Variants in ENTPD1 observed in about 807,000 individuals in gnomAD.
ENTPD1 encodes ATP diphosphohydrolase.
Under a neutral mutation model 57.0 loss-of-function variants are expected in ENTPD1, and 33 were observed. The ratio of observed to expected loss-of-function variants is 0.58; its 90% CI spans 0.44 to 0.77. The LOEUF is 0.77. Ranked by LOEUF, ENTPD1 falls within the 30% of genes least tolerant of loss-of-function variation. The probability of loss-of-function intolerance (pLI) is 0.00; values close to 1 mark genes in which losing one functional copy is unlikely to be tolerated. For missense variants in ENTPD1, 501 were observed against 603.4 expected, an observed-to-expected ratio of 0.83 and a Z score of 1.78; for synonymous variants, 202 against 218.8, an observed-to-expected ratio of 0.92 and a Z score of 0.68.
intron 7 of ENTPD1, among the ~76,000 whole-genome samples, chr10:95,848,425 G>C (rs2098439354): frequency 6.6e-6 from 1 of 152,076 alleles, no homozygotes; most frequent in Non-Finnish European, 1.5e-5. Flanking sequence ...GAGGTGACAT[G>C]GATGTGGAAG....
intron 2 of ENTPD1, among the ~76,000 whole-genome samples, chr10:95,823,870 A>G (rs1259806421): frequency 6.6e-6 from 1 of 152,240 alleles, no homozygotes; most frequent in Non-Finnish European, 1.5e-5. Context: ...AAAGAATCAA[A>G]ATCAATAAAA....
At position 95,871,409 on chromosome 10, in the gene ENTPD1, C is replaced by A. The variant is rs116278750; in HGVS notation, c.*5026C>A. ...GATGCTGTGGCAGCTCCCACATTAG[C>A]CTCGCATTCTAAACTGGTAGATGTC... On this transcript the variant is annotated 3_prime_UTR_variant, in exon 10 of 10. Transcript: ENST00000371205. 0.044 allele frequency: 43,706 copies of A among 985,360 alleles called. 1,012 individuals carry two copies. Among genetic ancestry groups the A allele is most frequent in the Non-Finnish European group, 0.047 (39,268 of 829,872 alleles). The allele number at this position is 985,360 out of a possible 1,614,324, so 61.0% of individuals were successfully genotyped here. A position where few individuals can be genotyped will look rare whatever the true frequency, so the allele number is the denominator to read the frequency against.
intron 1 of ENTPD1, among the ~76,000 whole-genome samples, chr10:95,713,856 C>T (rs1403947322): frequency 6.6e-6 from 1 of 152,188 alleles, no homozygotes; most frequent in African/African-American, 2.4e-5. Context: ...TATATCCATC[C>T]ATATAGCCAT....
chr10:95,827,220 G>A (rs2098380320), intron 2 of ENTPD1, among the ~76,000 whole-genome samples: 1 of 152,122 alleles, frequency 6.6e-6, no homozygotes, highest in South Asian at 2.1e-4. Context: ...TTGGGAGGCT[G>A]AGGTGGGTGG....
intron 2 of ENTPD1, among the ~76,000 whole-genome samples, chr10:95,832,623 C>G (rs114282070): frequency 2.7e-3 from 406 of 152,252 alleles, no homozygotes; most frequent in African/African-American, 9.2e-3. Flanking sequence ...ACACAAGCAC[C>G]AGACTGACCC....
chr10:95,731,781 C>CTTTTTTTTTTTTTTTTTTA (rs2097989409), intron 1 of ENTPD1, among the ~76,000 whole-genome samples: 1 of 79,180 alleles, frequency 1.3e-5, no homozygotes, highest in Non-Finnish European at 2.3e-5. Context: ...AGTGGACATC[C>CTTTTTTTTTTTTTTTTTTA]TTTTTTTTTT....
At chr10:95,803,833 T>C (rs1264958547) in intron 1 of ENTPD1, among the ~76,000 whole-genome samples, 1 of 152,240 alleles carries the variant, frequency 6.6e-6, no homozygotes, top group Non-Finnish European at 1.5e-5. Context: ...TTTAAGGTTT[T>C]AGGTCTAACA....
intron 1 of ENTPD1, among the ~76,000 whole-genome samples, chr10:95,772,378 A>G (rs1325314377): frequency 6.6e-6 from 1 of 152,088 alleles, no homozygotes; most frequent in Admixed American, 6.5e-5. Context: ...CTCCTCCAGC[A>G]CTCCTGCTGT....
intron 1 of ENTPD1, among the ~76,000 whole-genome samples, chr10:95,820,512 A>T (rs573018169): frequency 1.8e-4 from 27 of 152,190 alleles, no homozygotes; most frequent in Non-Finnish European, 2.6e-4. Context: ...AGGAAGAAAT[A>T]ATTATAGTCA....
rs2098476372 is a variant in ENTPD1 at position 95,868,071 on chromosome 10, T to G, written c.*1688T>G. On this transcript the variant is annotated 3_prime_UTR_variant, in exon 10 of 10. Transcript: ENST00000371205. ...ATTTGTGGTGTACCACGCTGTGTGC[T>G]CAAGGGTATTACATTCATCTTCTCA... The G allele has an allele frequency of 2.0e-6, 2 of 984,544 alleles. No individual in the cohort carries two copies. The highest frequency in any genetic ancestry group is 1.2e-4 in the Admixed American group (2 of 16,270). The allele number at this position is 984,544 out of a possible 1,614,324, so 61.0% of individuals were successfully genotyped here.
chr10:95,775,774 A>C (rs1304151481), intron 1 of ENTPD1, among the ~76,000 whole-genome samples: 1 of 152,084 alleles, frequency 6.6e-6, no homozygotes, highest in Non-Finnish European at 1.5e-5. Context: ...GTGGGAGTCT[A>C]AGTCTCTTTG....
intron 3 of ENTPD1, among the ~76,000 whole-genome samples, chr10:95,840,211 G>A (rs2098419651): frequency 6.6e-6 from 1 of 152,200 alleles, no homozygotes; most frequent in Non-Finnish European, 1.5e-5. Context: ...AGTAAGTGAT[G>A]GAGCTGCGGT....
At chr10:95,773,076 TA>T (rs2098120900) in intron 1 of ENTPD1, among the ~76,000 whole-genome samples, 1 of 151,688 alleles carries the variant, frequency 6.6e-6, no homozygotes, top group African/African-American at 2.4e-5. Context: ...GGAAGCAAAG[TA>T]TAGAGAGGCC....
At chr10:95,771,262 C>T (rs2098115016) in intron 1 of ENTPD1, among the ~76,000 whole-genome samples, 1 of 152,150 alleles carries the variant, frequency 6.6e-6, no homozygotes, top group South Asian at 2.1e-4. Flanking sequence ...GAGAAACTTC[C>T]AGTTACTTTC....
chr10:95,789,712 T>C (rs1304333042), intron 1 of ENTPD1, among the ~76,000 whole-genome samples: 3 of 152,186 alleles, frequency 2.0e-5, no homozygotes, highest in African/African-American at 7.2e-5. Flanking sequence ...AAAGTTAACA[T>C]TTATCAAAGC....
At chr10:95,796,776 GA>G (rs367856401) in intron 1 of ENTPD1, among the ~76,000 whole-genome samples, 374 of 152,202 alleles carry the variant, frequency 2.5e-3, no homozygotes, top group Middle Eastern at 6.8e-3. Context: ...GGAGTCCAGG[GA>G]AGAAATACAG....
upstream of ENTPD1, among the ~76,000 whole-genome samples, chr10:95,709,839 C>T (rs2097964098): frequency 1.3e-5 from 2 of 152,108 alleles, no homozygotes; most frequent in Admixed American, 6.5e-5. Flanking sequence ...CATCTCAGAT[C>T]ACTGCAACCA....
Position 95,870,469 on chromosome 10 carries a change from G to A in ENTPD1, c.*4086G>A, listed in dbSNP as rs2098479205. 1.3e-6 allele frequency: 1 copy of A among 778,152 alleles called. No homozygotes were observed. The highest frequency in any genetic ancestry group is 5.8e-5 in the South Asian group (1 of 17,106). 48.2% of individuals were successfully genotyped at this position (778,152 alleles called of 1,614,324 possible). ...AGCTATTTTTTTTTCTGTAGAGACA[G>A]GGTTTTCCTATGTTGTCCAGGCTGG... On this transcript the variant is annotated 3_prime_UTR_variant, in exon 10 of 10. Transcript: ENST00000371205.
rs117992038 is a variant in ENTPD1 at position 95,836,911 on chromosome 10, C to T, written c.145-2780C>T. On this transcript the variant is annotated intron_variant, in intron 2 of 9. Transcript: ENST00000371205. ...ACTTTCAGTCAAGCTTTATCTGTCT[C>T]TCAAGCAGCAAACAATGCCAGTTTT... Among the ~76,000 whole-genome samples the T allele has an allele frequency of 7.0e-3, 1,059 of 152,318 alleles. 15 individuals are homozygous for T. The highest frequency in any genetic ancestry group is 0.024 in the African/African-American group (997 of 41,548).
Sources: allele counts gnomAD v4.1 joint callset (sites outside exome capture counted in the v4.1 genomes callset), GRCh38; gene constraint gnomAD v4.1.1; transcripts MANE v1.5; gene names NCBI Gene and HGNC (gene_info 2026-07-23, HGNC 2026-07-21).